The following CRYBG3 variants were observed in gnomAD, a reference collection of about 807,000 sequenced individuals.
CRYBG3 encodes the protein crystallin beta-gamma domain containing 3, also known as very large A-kinase anchor protein.
Under a neutral mutation model 244.2 loss-of-function variants are expected in CRYBG3, and 127 were observed. The observed-to-expected ratio is 0.52, with a 90% confidence interval of 0.45 to 0.60. The LOEUF is 0.60. Among genes scored for constraint, CRYBG3 ranks in the 20% least tolerant of loss-of-function variants. The pLI is 0.00. For missense variants in CRYBG3, 3,325 were observed against 3,442.5 expected, an observed-to-expected ratio of 0.97 and a Z score of 0.85; for synonymous variants, 1,132 against 1,195.8, an observed-to-expected ratio of 0.95 and a Z score of 1.10.
chr3:97,936,768 C>T lies in CRYBG3; in HGVS notation c.8382-17C>T, dbSNP rs1266516623. On this transcript the variant is annotated splice_polypyrimidine_tract_variant and intron_variant, in intron 18 of 21. Transcript: ENST00000389622. Reference sequence around the variant, plus strand: ...TTGTTTTGAAGTACACTACTTTTTTCTTTCTTGTTCTCATAGATGGATAGC... The same window carrying T: ...TTGTTTTGAAGTACACTACTTTTTTTTTTCTTGTTCTCATAGATGGATAGC... 1.3e-5 allele frequency: 21 copies of T among 1,600,940 alleles called. No individual in the cohort carries two copies. In the Admixed American group the frequency reaches 1.9e-4, roughly 15 times the overall value.
intron 2 of CRYBG3, among the ~76,000 whole-genome samples, chr3:97,858,832 C>T (rs2039103913): frequency 6.6e-6 from 1 of 152,038 alleles, no homozygotes; most frequent in Middle Eastern, 3.4e-3. Flanking sequence ...TCTTGGTTGT[C>T]TGTTACTGGA....
At chr3:97,943,122 T>C in intron 21 of CRYBG3, 104 bp from the exon 22 acceptor site, 1 of 651,780 alleles carries the variant, frequency 1.5e-6, no homozygotes, top group South Asian at 1.9e-5. Flanking sequence ...AAATGACACA[T>C]TCATCCACCG....
At chr3:97,922,383 C>T (rs1303433895) in intron 17 of CRYBG3, among the ~76,000 whole-genome samples, 4 of 152,058 alleles carry the variant, frequency 2.6e-5, no homozygotes, top group African/African-American at 4.8e-5. Context: ...AAAGAAACTA[C>T]CATCAGAGTG....
At chr3:97,905,470 T>G (rs541693115) in intron 15 of CRYBG3, among the ~76,000 whole-genome samples, 1 of 151,954 alleles carries the variant, frequency 6.6e-6, no homozygotes, top group African/African-American at 2.4e-5. Context: ...ATTGTGGTTT[T>G]GATTTGCATT....
intron 17 of CRYBG3, among the ~76,000 whole-genome samples, chr3:97,931,024 G>A (rs2040091623): frequency 1.3e-5 from 2 of 151,886 alleles, no homozygotes; most frequent in Non-Finnish European, 2.9e-5. Flanking sequence ...TTTTTGCCTT[G>A]CAGTATTCAG....
Position 97,873,094 on chromosome 3 carries a change from G to A in CRYBG3, c.1900G>A (p.Glu634Lys). The A allele has an allele frequency of 6.5e-7, 1 of 1,535,156 alleles. No individual in the cohort carries two copies. Among genetic ancestry groups the A allele is most frequent in the South Asian group, 1.2e-5 (1 of 83,826 alleles). The change falls in exon 4 of 22, where the codon GAA becomes AAA. Residue 634 changes from glutamate to lysine, a missense_variant. Glu to Lys is a moderately conservative substitution (Grantham distance 56). Transcript: ENST00000389622. ...PLDSESPQQA[E>K]VSPDAKTSLS... ...TGACTCTGAGAGTCCTCAACAAGCTGAAGTATCACCTGATGCTAAAACATC... is the reference window on the plus strand; with the variant it reads ...TGACTCTGAGAGTCCTCAACAAGCTAAAGTATCACCTGATGCTAAAACATC...
rs143354508 is a variant in CRYBG3, at chr3:97,864,909, T to G, written c.647+262T>G. ...CCTGCATGGTAATGTTTTCTGTTGC[T>G]TAGATTCTTCCTGTGTCAGGACAGG... On this transcript the variant is annotated intron_variant, in intron 3 of 21. Transcript: ENST00000389622. Among the ~76,000 whole-genome samples the G allele has an allele frequency of 9.2e-5, 14 of 152,284 alleles. No individual in the cohort carries two copies. The East Asian group carries it at 2.5e-3, about 27-fold the overall frequency.
chr3:97,885,010 T>A (rs1576543753), intron 7 of CRYBG3, among the ~76,000 whole-genome samples: 1 of 152,088 alleles, frequency 6.6e-6, no homozygotes, highest in East Asian at 1.9e-4. Flanking sequence ...ATAACTCAGA[T>A]CCCTGGGGGG....
At chr3:97,880,158 C>T in intron 6 of CRYBG3, 58 bp downstream of exon 6, 1 of 835,236 alleles carries the variant, frequency 1.2e-6, no homozygotes. Context: ...TGTCTTCTTG[C>T]TGTTAATGCT....
intron 21 of CRYBG3, 24 bp downstream of exon 21, chr3:97,942,467 G>A (rs764862770): frequency 6.3e-7 from 1 of 1,585,878 alleles, no homozygotes; most frequent in Admixed American, 1.7e-5. Flanking sequence ...GATACCCAAT[G>A]TTGTGTCCCT....
rs964935998 is a variant in CRYBG3 at position 97,872,265 on chromosome 3, T to C, written c.1071T>C (p.Asp357=). The C allele has an allele frequency of 1.3e-6, 2 of 1,535,962 alleles. No homozygotes were observed. Among genetic ancestry groups the C allele is most frequent in the African/African-American group, 1.4e-5 (1 of 73,162 alleles). The part of the protein sequence containing the change: ...SPSSVTNSSY[D]GESDSQHHLS... ...CTTCTGTGACTAACTCCAGCTACGA[T>C]GGAGAATCTGACTCACAGCACCATT... Residue 357 remains aspartate, a synonymous_variant, in exon 4 of 22, where the codon GAT becomes GAC. Transcript: ENST00000389622.
chr3:97,845,706 G>T (rs1576516884), intron 2 of CRYBG3, among the ~76,000 whole-genome samples: 1 of 151,598 alleles, frequency 6.6e-6, no homozygotes, highest in African/African-American at 2.4e-5. Flanking sequence ...CAGTGGTATT[G>T]GTGTCCTTAC....
chr3:97,825,904 G>C (rs2108149351), intron 1 of CRYBG3, among the ~76,000 whole-genome samples: 1 of 152,350 alleles, frequency 6.6e-6, no homozygotes, highest in East Asian at 1.9e-4. Flanking sequence ...AACAGCATCA[G>C]TTATGTGAGG....
chr3:97,889,059 G>C (rs1172938115), intron 9 of CRYBG3, among the ~76,000 whole-genome samples: 1 of 152,140 alleles, frequency 6.6e-6, no homozygotes, highest in East Asian at 1.9e-4. Flanking sequence ...ATCTTAATTG[G>C]TCATGTGTAC....
At chr3:97,907,844 G>A (rs1250756482) in intron 15 of CRYBG3, among the ~76,000 whole-genome samples, 2 of 150,768 alleles carry the variant, frequency 1.3e-5, no homozygotes, top group Non-Finnish European at 3.0e-5. Flanking sequence ...ATGTTAGGGT[G>A]TCAATTTTGG....
chr3:97,921,888 C>T (rs1005208175), intron 17 of CRYBG3, among the ~76,000 whole-genome samples: 9 of 152,150 alleles, frequency 5.9e-5, no homozygotes, highest in Non-Finnish European at 8.8e-5. Context: ...AATTTCCCCA[C>T]TGGGGCCTTG....
Position 97,874,610 on chromosome 3 carries a change from A to C in CRYBG3, c.3416A>C (p.Asp1139Ala). Reference protein sequence around the residue: ...FGIYTGKISIDFPTAAQFDNL... With the variant: ...FGIYTGKISIAFPTAAQFDNL... ...ATTTATACTGGGAAGATATCCATTG[A>C]TTTCCCAACTGCTGCCCAATTTGAC... The change falls in exon 4 of 22, where the codon GAT becomes GCT. Residue 1139 changes from aspartate (D) to alanine (A), a missense_variant. Asp to Ala is a moderately radical substitution (Grantham distance 126, BLOSUM62 -2). Around this residue, in one of 4 missense-constraint regions of CRYBG3, gnomAD observed 1,526 missense variants for 1,443.2 expected, o/e 1.06. Transcript: ENST00000389622. 1 of 1,536,046 alleles carries C rather than the reference A, an allele frequency of 6.5e-7. No homozygotes were observed. Among genetic ancestry groups the C allele is most frequent in the Non-Finnish European group, 8.7e-7 (1 of 1,146,870 alleles).
At chr3:97,933,611 GAT>G in intron 17 of CRYBG3, 81 bp from the exon 18 acceptor site, 1 of 1,373,716 alleles carries the variant, frequency 7.3e-7, no homozygotes, top group Non-Finnish European at 1.0e-6. Flanking sequence ...GAATACAATG[GAT>G]TCAGGGTACC....
intron 3 of CRYBG3, among the ~76,000 whole-genome samples, chr3:97,871,103 T>C (rs989834535): frequency 6.6e-6 from 1 of 152,154 alleles, no homozygotes; most frequent in East Asian, 1.9e-4. Flanking sequence ...GAACTCGTAG[T>C]GGTAGATTCT....
Sources: allele counts gnomAD v4.1 joint callset (sites outside exome capture counted in the v4.1 genomes callset), GRCh38; gene constraint gnomAD v4.1.1; regional missense constraint gnomAD v4.1.1; transcripts MANE v1.5; gene names NCBI Gene and HGNC (gene_info 2026-07-23, HGNC 2026-07-21).